Variants in PRKD1 observed in about 807,000 individuals in gnomAD.
PRKD1 encodes serine/threonine-protein kinase D1.
In PRKD1, 63 loss-of-function variants were observed where a neutral mutation model predicts 95.9. The ratio of observed to expected loss-of-function variants is 0.66; its 90% CI spans 0.54 to 0.81. PRKD1 has a LOEUF of 0.81. Among genes scored for constraint, PRKD1 ranks in the 30% least tolerant of loss-of-function variants. PRKD1 has a pLI of 0.00. For synonymous variants in PRKD1, 425 were observed against 423.1 expected, an observed-to-expected ratio of 1.00 and a Z score of -0.05; for missense variants, 1,048 against 1,165.3, an observed-to-expected ratio of 0.90 and a Z score of 1.47.
At chr14:29,663,635 T>C in intron 4 of PRKD1, 64 bp downstream of exon 4, 1 of 1,559,366 alleles carries the variant, frequency 6.4e-7, no homozygotes. Context: ...GGATTGACAT[T>C]GCTATCACAT....
At chr14:29,919,827 G>A (rs761624296) in intron 1 of PRKD1, among the ~76,000 whole-genome samples, 2 of 152,028 alleles carry the variant, frequency 1.3e-5, no homozygotes, top group Non-Finnish European at 2.9e-5. Context: ...TCATCCAGGC[G>A]TGGTGGCACA....
At chr14:29,695,533 C>T (rs1884467658) in intron 2 of PRKD1, among the ~76,000 whole-genome samples, 1 of 152,158 alleles carries the variant, frequency 6.6e-6, no homozygotes, top group Non-Finnish European at 1.5e-5. Flanking sequence ...AAAGATGACT[C>T]CAAAGCTGTA....
chr14:29,690,760 T>C (rs879482518), intron 2 of PRKD1, among the ~76,000 whole-genome samples: 2 of 152,342 alleles, frequency 1.3e-5, no homozygotes, highest in Middle Eastern at 3.4e-3. Context: ...TGAATTCTCC[T>C]ACTTTGTGAC....
At chr14:29,721,757 A>G (rs1364014782) in intron 2 of PRKD1, among the ~76,000 whole-genome samples, 1 of 152,202 alleles carries the variant, frequency 6.6e-6, no homozygotes, top group African/African-American at 2.4e-5. Flanking sequence ...TAACATACAA[A>G]GAGAATTTGC....
intron 1 of PRKD1, among the ~76,000 whole-genome samples, chr14:29,897,461 T>C (rs1025000500): frequency 8.5e-5 from 13 of 152,180 alleles, no homozygotes; most frequent in African/African-American, 3.1e-4. Context: ...TGATCTGTTT[T>C]GTAGAACTGT....
intron 16 of PRKD1, chr14:29,592,605 G>T (rs982035164): frequency 2.0e-5 from 3 of 152,086 alleles, no homozygotes; most frequent in African/African-American, 7.2e-5. Flanking sequence ...ACTATAAAGT[G>T]ACTGGGAAAC....
chr14:29,647,356 G>T (rs1881191232), intron 4 of PRKD1, among the ~76,000 whole-genome samples: 1 of 152,108 alleles, frequency 6.6e-6, no homozygotes. Context: ...CCCATTGCAG[G>T]GAAAGCACCA....
intron 14 of PRKD1, 62 bp from the exon 15 acceptor site, chr14:29,599,187 G>A: frequency 7.0e-7 from 1 of 1,420,264 alleles, no homozygotes; most frequent in Admixed American, 1.8e-5. Flanking sequence ...TCTTCTACCA[G>A]TTAAAAGGCC....
At chr14:29,642,624 G>T (rs1489562024) in intron 4 of PRKD1, among the ~76,000 whole-genome samples, 1 of 152,096 alleles carries the variant, frequency 6.6e-6, no homozygotes, top group Non-Finnish European at 1.5e-5. Context: ...TAACAACTTT[G>T]TATGTTTATT....
intron 1 of PRKD1, among the ~76,000 whole-genome samples, chr14:29,856,269 T>C (rs972594266): frequency 6.6e-6 from 1 of 152,152 alleles, no homozygotes; most frequent in Admixed American, 6.6e-5. Flanking sequence ...AAGCAGATCA[T>C]TCTATATTCC....
intron 13 of PRKD1, among the ~76,000 whole-genome samples, chr14:29,615,408 T>C (rs1235189798): frequency 6.6e-6 from 1 of 152,150 alleles, no homozygotes; most frequent in Non-Finnish European, 1.5e-5. Context: ...TGAAGAAAAA[T>C]GTTTGAAGAT....
intron 1 of PRKD1, among the ~76,000 whole-genome samples, chr14:29,737,328 C>CAAAAAAAAAAAAA (rs796557046): frequency 1.1e-4 from 4 of 37,926 alleles, no homozygotes; most frequent in African/African-American, 2.0e-4. Context: ...GACTCCGTCT[C>CAAAAAAAAAAAAA]AAAAAAAAAA....
chr14:29,818,235 A>G lies in PRKD1; in HGVS notation c.265-92561T>C, dbSNP rs141786124. ...ATAAGCCCAGGCTGCTTCTCAATTC[A>G]TGAGTTTAGCTGAGATGGCAGAACA... On this transcript the variant is annotated intron_variant, in intron 1 of 17. Transcript: ENST00000331968. 2.5e-3 allele frequency among the ~76,000 whole-genome samples: 387 copies of G among 152,362 alleles called. 6 individuals are homozygous for G. Among genetic ancestry groups the G allele is most frequent in the Admixed American group, 0.023 (349 of 15,308 alleles).
chr14:29,774,024 G>C (rs935780159), intron 1 of PRKD1, among the ~76,000 whole-genome samples: 10 of 152,210 alleles, frequency 6.6e-5, no homozygotes, highest in Non-Finnish European at 1.0e-4. Context: ...GAAAAGATCA[G>C]TTGAGCTACA....
chr14:29,878,287 C>T (rs1893374600), intron 1 of PRKD1, among the ~76,000 whole-genome samples: 1 of 146,552 alleles, frequency 6.8e-6, no homozygotes, highest in Admixed American at 6.8e-5. Context: ...GCACATGTAC[C>T]CTGAATCTAA....
At chr14:29,901,540 T>C (rs1439338444) in intron 1 of PRKD1, among the ~76,000 whole-genome samples, 2 of 152,050 alleles carry the variant, frequency 1.3e-5, no homozygotes, top group Non-Finnish European at 2.9e-5. Context: ...TAGTAGAAAA[T>C]GTCAAACTTT....
intron 1 of PRKD1, among the ~76,000 whole-genome samples, chr14:29,767,183 G>C (rs959463785): frequency 6.6e-6 from 1 of 151,954 alleles, no homozygotes; most frequent in East Asian, 1.9e-4. Flanking sequence ...TGTCTGCTCC[G>C]CTTGAACAAT....
intron 16 of PRKD1, among the ~76,000 whole-genome samples, chr14:29,583,964 A>G (rs1179418806): frequency 6.6e-6 from 1 of 152,208 alleles, no homozygotes. Flanking sequence ...AAAAGTCAGG[A>G]AAGCAAAGAG....
At chr14:29,608,232 C>T (rs926905806) in intron 13 of PRKD1, among the ~76,000 whole-genome samples, 1 of 151,848 alleles carries the variant, frequency 6.6e-6, no homozygotes, top group African/African-American at 2.4e-5. Context: ...TATAGGGCTT[C>T]ATATTTTATT....
Sources: gnomAD v4.1 joint callset for allele counts (sites outside exome capture counted in the v4.1 genomes callset) on GRCh38, gnomAD v4.1.1 for gene constraint, MANE v1.5 for transcripts, NCBI Gene and HGNC (gene_info 2026-07-23, HGNC 2026-07-21) for gene names.